ACSM3: variants seen among roughly 807,000 people sequenced by gnomAD.
ACSM3 encodes acyl-coenzyme A synthetase ACSM3, mitochondrial.
A neutral mutation model predicts 74.1 loss-of-function variants in ACSM3; 61 were observed. That is an observed-to-expected ratio of 0.82 (90% confidence interval 0.67 to 1.02). The LOEUF (loss-of-function observed/expected upper bound fraction) is 1.02, where lower values mean the gene tolerates loss of function less well. Among genes scored for constraint, ACSM3 ranks in the 50% least tolerant of loss-of-function variants. ACSM3 has a pLI of 0.00. For missense variants in ACSM3, 660 were observed against 697.0 expected, an observed-to-expected ratio of 0.95 and a Z score of 0.60; for synonymous variants, 213 against 241.5, an observed-to-expected ratio of 0.88 and a Z score of 1.09.
chr16:20,711,109 T>A (rs536795024), intron 1 of ACSM3, among the ~76,000 whole-genome samples: 11 of 151,918 alleles, frequency 7.2e-5, no homozygotes, highest in African/African-American at 2.4e-4. Context: ...AAAAAAAGAT[T>A]CAAATATTAC....
intron 1 of ACSM3, among the ~76,000 whole-genome samples, chr16:20,709,745 A>G (rs1468935771): frequency 1.3e-5 from 2 of 152,258 alleles, no homozygotes. Flanking sequence ...ATATTCATAA[A>G]TAAAGTCTCC....
intron 12 of ACSM3, chr16:20,796,104 C>A: frequency 2.8e-6 from 1 of 356,788 alleles, no homozygotes; most frequent in Non-Finnish European, 5.0e-6. Flanking sequence ...ATGGCAAACT[C>A]AGCGTGACTA....
At chr16:20,780,663 A>G in intron 4 of ACSM3, 51 bp from the exon 5 acceptor site, 2 of 1,614,200 alleles carry the variant, frequency 1.2e-6, no homozygotes, top group Non-Finnish European at 1.7e-6. Context: ...CAGTGGTAAC[A>G]GTCTGTGATG....
At chr16:20,754,804 G>A (rs2080016191) in intron 2 of ACSM3, among the ~76,000 whole-genome samples, 1 of 152,192 alleles carries the variant, frequency 6.6e-6, no homozygotes, top group Non-Finnish European at 1.5e-5. Flanking sequence ...ATTATCTGGA[G>A]TTTTGCATAG....
At chr16:20,777,016 G>A (rs1365578310) in intron 3 of ACSM3, among the ~76,000 whole-genome samples, 1 of 152,044 alleles carries the variant, frequency 6.6e-6, no homozygotes, top group African/African-American at 2.4e-5. Flanking sequence ...TTATGTTTTG[G>A]GGTTTTTTTG....
intron 1 of ACSM3, chr16:20,722,380 G>T (rs2079788866): frequency 6.6e-6 from 1 of 152,144 alleles, no homozygotes; most frequent in Non-Finnish European, 1.5e-5. Flanking sequence ...TATTAAACAT[G>T]GTGGCATGAG....
intron 1 of ACSM3, among the ~76,000 whole-genome samples, chr16:20,708,556 T>C (rs1410722531): frequency 6.6e-6 from 1 of 152,010 alleles, no homozygotes; most frequent in African/African-American, 2.4e-5. Flanking sequence ...TAAATTTAAC[T>C]AAGGAAAGTA....
intron 7 of ACSM3, 76 bp downstream of exon 7, chr16:20,781,863 C>A: frequency 1.7e-6 from 2 of 1,156,112 alleles, no homozygotes; most frequent in Non-Finnish European, 2.6e-6. Context: ...GATCTTTCTG[C>A]CTGAAACATA....
chr16:20,752,127 T>C (rs2079993272), intron 2 of ACSM3, among the ~76,000 whole-genome samples: 1 of 152,136 alleles, frequency 6.6e-6, no homozygotes, highest in Non-Finnish European at 1.5e-5. Context: ...GAGGCAGAGC[T>C]TGCAGTTAGC....
chr16:20,786,888 T>A (rs1477062577), intron 9 of ACSM3, among the ~76,000 whole-genome samples: 1 of 152,168 alleles, frequency 6.6e-6, no homozygotes, highest in African/African-American at 2.4e-5. Context: ...ACACTGGTCC[T>A]CTCAGGCAAG....
At chr16:20,694,213 T>G (rs1241691552) in intron 1 of ACSM3, among the ~76,000 whole-genome samples, 2 of 152,236 alleles carry the variant, frequency 1.3e-5, no homozygotes, top group Non-Finnish European at 2.9e-5. Flanking sequence ...AAATACAGAA[T>G]GTGAGGTCCC....
intron 1 of ACSM3, among the ~76,000 whole-genome samples, chr16:20,711,275 GTCTGTCAGAC>G (rs745712666): frequency 6.6e-6 from 1 of 152,166 alleles, no homozygotes; most frequent in Non-Finnish European, 1.5e-5. Flanking sequence ...TAGGCCCATC[GTCTGTCAGAC>G]TCCGAAGCCA....
upstream of ACSM3, among the ~76,000 whole-genome samples, chr16:20,761,761 T>A (rs563241269): frequency 6.6e-6 from 1 of 152,120 alleles, no homozygotes; most frequent in South Asian, 2.1e-4. Flanking sequence ...AGCTTTCCAA[T>A]AAGATCTCAG....
At chr16:20,728,366 T>C in intron 1 of ACSM3, 1 of 1,283,430 alleles carries the variant, frequency 7.8e-7, no homozygotes, top group Non-Finnish European at 1.1e-6. Flanking sequence ...TTTAAGAAAA[T>C]CAATTGTTTC....
intron 1 of ACSM3, among the ~76,000 whole-genome samples, chr16:20,683,615 T>A (rs182065126): frequency 1.3e-5 from 2 of 150,366 alleles, no homozygotes; most frequent in East Asian, 2.0e-4. Context: ...TCCTCTTTAA[T>A]TCTTCTTAGC....
chr16:20,757,482 TTTTGTATCCTGAGAC>T (rs1405798480), intron 3 of ACSM3, among the ~76,000 whole-genome samples: 32 of 151,912 alleles, frequency 2.1e-4, no homozygotes, highest in Non-Finnish European at 4.4e-4. Context: ...TGCACATTGA[TTTTGTATCCTGAGAC>T]TTTGCTGAAG....
At chr16:20,727,296 C>G in intron 1 of ACSM3, 1 of 549,208 alleles carries the variant, frequency 1.8e-6, no homozygotes, top group African/African-American at 1.9e-5. Flanking sequence ...GCAGGGAAAG[C>G]ACTCAGGTTC....
chr16:20,676,487 T>C (rs1027506658), intron 1 of ACSM3, among the ~76,000 whole-genome samples: 6 of 152,200 alleles, frequency 3.9e-5, no homozygotes, highest in African/African-American at 1.4e-4. Flanking sequence ...ACACAGCATT[T>C]GTAAGGCAGG....
chr16:20,778,105 A>T (rs552633913), intron 4 of ACSM3, among the ~76,000 whole-genome samples: 84 of 152,246 alleles, frequency 5.5e-4, no homozygotes, highest in Non-Finnish European at 9.3e-4. Context: ...TCACTGAAGG[A>T]TCACAGTCAG....
Sources: allele counts gnomAD v4.1 joint callset (sites outside exome capture counted in the v4.1 genomes callset), GRCh38; gene constraint gnomAD v4.1.1; transcripts MANE v1.5; gene names NCBI Gene and HGNC (gene_info 2026-07-23, HGNC 2026-07-21).